Variants in UBE2E2 observed in about 807,000 individuals in gnomAD.
UBE2E2 encodes ubiquitin-conjugating enzyme E2 E2.
A neutral mutation model predicts 24.7 loss-of-function variants in UBE2E2; 6 were observed. That is an observed-to-expected ratio of 0.24 (90% CI 0.13 to 0.48). UBE2E2 has a LOEUF of 0.48. Ranked by LOEUF, UBE2E2 falls within the 20% of genes least tolerant of loss-of-function variation. UBE2E2 has a pLI of 0.99. For synonymous variants in UBE2E2, 104 were observed against 83.6 expected (o/e 1.24, Z -1.33); for missense variants, 169 against 245.0 (o/e 0.69, Z 2.07).
chr3:23,576,784 G>T (rs1180298145), intron 5 of UBE2E2, among the ~76,000 whole-genome samples: 3 of 152,274 alleles, frequency 2.0e-5, no homozygotes, highest in Non-Finnish European at 4.4e-5. Context: ...CAGAGTAGGG[G>T]CTCAATAAAT....
intron 3 of UBE2E2, among the ~76,000 whole-genome samples, chr3:23,497,261 C>T (rs1472946569): frequency 6.6e-6 from 1 of 152,078 alleles, no homozygotes; most frequent in African/African-American, 2.4e-5. Flanking sequence ...TCGTATGGAT[C>T]CCATGGTGTT....
intron 3 of UBE2E2, among the ~76,000 whole-genome samples, chr3:23,414,278 A>G (rs1371574966): frequency 1.3e-5 from 2 of 152,184 alleles, no homozygotes; most frequent in Non-Finnish European, 2.9e-5. Flanking sequence ...GAGACATTCA[A>G]TCTACCTTAC....
At chr3:23,401,025 T>C (rs1341480944) in intron 3 of UBE2E2, among the ~76,000 whole-genome samples, 1 of 152,236 alleles carries the variant, frequency 6.6e-6, no homozygotes, top group Non-Finnish European at 1.5e-5. Context: ...AAAGAATGAC[T>C]GGTATGTTCC....
Position 23,583,374 on chromosome 3 carries a change from C to G in UBE2E2, c.509-6360C>G, listed in dbSNP as rs1489239115. ...AAGTCAGGTCATGTGATGCTTCCAC[C>G]TTTGTTCTTTTTGCTTAGCATTGCT... On this transcript the variant is annotated intron_variant, in intron 5 of 5. Transcript: ENST00000396703. The surrounding 1 kb of genome is among the most constrained non-coding windows in gnomAD (Gnocchi z 4.1). Among the ~76,000 whole-genome samples the G allele has an allele frequency of 6.6e-6, 1 of 152,120 alleles. No individual in the cohort carries two copies. The highest frequency in any genetic ancestry group is 1.5e-5 in the Non-Finnish European group (1 of 68,024).
intron 3 of UBE2E2, among the ~76,000 whole-genome samples, chr3:23,494,722 T>A (rs540134020): frequency 6.6e-6 from 1 of 152,216 alleles, no homozygotes; most frequent in East Asian, 1.9e-4. Flanking sequence ...AGTATTAGTT[T>A]TATATGCTTT....
chr3:23,296,174 C>T (rs750920905), intron 3 of UBE2E2, among the ~76,000 whole-genome samples: 4 of 152,032 alleles, frequency 2.6e-5, no homozygotes, highest in African/African-American at 4.8e-5. Flanking sequence ...CAGTTCAGCT[C>T]GGGGAGCTTT....
intron 3 of UBE2E2, among the ~76,000 whole-genome samples, chr3:23,430,131 T>C (rs1559381416): frequency 6.6e-6 from 1 of 152,190 alleles, no homozygotes; most frequent in Non-Finnish European, 1.5e-5. Flanking sequence ...CCCTTGAATG[T>C]TGGACTGAAG....
intron 3 of UBE2E2, among the ~76,000 whole-genome samples, chr3:23,351,499 G>T (rs934356807): frequency 6.6e-6 from 1 of 152,136 alleles, no homozygotes; most frequent in African/African-American, 2.4e-5. Flanking sequence ...CATCTCATGG[G>T]CACAGACACA....
intron 3 of UBE2E2, among the ~76,000 whole-genome samples, chr3:23,299,793 A>G (rs1199960208): frequency 2.6e-5 from 4 of 152,274 alleles, no homozygotes; most frequent in Middle Eastern, 6.8e-3. Context: ...GTAGATGTCT[A>G]TTAGGTCCAC....
chr3:23,527,313 T>G (rs1575686517), intron 4 of UBE2E2, among the ~76,000 whole-genome samples: 1 of 152,302 alleles, frequency 6.6e-6, no homozygotes, highest in East Asian at 1.9e-4. Flanking sequence ...TCTTGGGCAT[T>G]TATCTGAGAG....
intron 3 of UBE2E2, among the ~76,000 whole-genome samples, chr3:23,272,625 A>C (rs1394466510): frequency 6.6e-6 from 1 of 152,216 alleles, no homozygotes; most frequent in Non-Finnish European, 1.5e-5. Flanking sequence ...ATGATGTGTT[A>C]GTCATAGTTC....
rs189516381 is a variant in UBE2E2 at position 23,380,350 on chromosome 3, G to T, written c.228-119258G>T. On this transcript the variant is annotated intron_variant, in intron 3 of 5. Coordinates refer to ENST00000396703, the MANE Select transcript of UBE2E2 (RefSeq NM_152653.4). ...TTTTTCTGAGCAGCTAGGACTACAG[G>T]CACATGCCGTGACTACAGGCGTGTG... Among the ~76,000 whole-genome samples, 169 of 152,304 alleles carry T rather than the reference G, an allele frequency of 1.1e-3. 2 individuals are homozygous for T. The highest frequency in any genetic ancestry group is 3.9e-3 in the African/African-American group (163 of 41,578).
intron 3 of UBE2E2, among the ~76,000 whole-genome samples, chr3:23,333,066 T>C (rs1035156847): frequency 9.8e-5 from 15 of 152,292 alleles, no homozygotes; most frequent in African/African-American, 3.4e-4. Flanking sequence ...CAGGTCCCAC[T>C]GATATCTCTA....
chr3:23,271,092 A>G (rs1461222994), intron 3 of UBE2E2: 2 of 450,742 alleles, frequency 4.4e-6, no homozygotes, highest in Non-Finnish European at 8.9e-6. Flanking sequence ...TGATAGCAGT[A>G]ATGAAGAGAA....
chr3:23,587,823 C>A (rs1349571273), intron 5 of UBE2E2, among the ~76,000 whole-genome samples: 1 of 152,158 alleles, frequency 6.6e-6, no homozygotes, highest in Non-Finnish European at 1.5e-5. Flanking sequence ...ATTTCAACAT[C>A]TGAGAAAATG....
intron 3 of UBE2E2, among the ~76,000 whole-genome samples, chr3:23,332,897 T>G (rs1301226599): frequency 1.3e-5 from 2 of 152,178 alleles, no homozygotes; most frequent in African/African-American, 4.8e-5. Flanking sequence ...CCCTTGACAC[T>G]TCTAAAAAGT....
intron 3 of UBE2E2, among the ~76,000 whole-genome samples, chr3:23,495,504 A>G (rs1699581246): frequency 6.6e-6 from 1 of 152,204 alleles, no homozygotes; most frequent in South Asian, 2.1e-4. Context: ...GTGTTTGTGT[A>G]TGTTATTTCA....
At chr3:23,291,920 A>C (rs564874659) in intron 3 of UBE2E2, among the ~76,000 whole-genome samples, 1 of 130,470 alleles carries the variant, frequency 7.7e-6, no homozygotes, top group African/African-American at 2.9e-5. Context: ...GTGCAGTGGC[A>C]CGATCTCGGC....
chr3:23,439,295 G>T (rs192811559), intron 3 of UBE2E2, among the ~76,000 whole-genome samples: 1 of 152,262 alleles, frequency 6.6e-6, no homozygotes, highest in East Asian at 1.9e-4. Context: ...CTTCCTGACT[G>T]GCCATCACAT....
Sources: allele counts gnomAD v4.1 joint callset (sites outside exome capture counted in the v4.1 genomes callset), GRCh38; gene constraint gnomAD v4.1.1; non-coding constraint Gnocchi (gnomAD v3.1); transcripts MANE v1.5; gene names NCBI Gene and HGNC (gene_info 2026-07-23, HGNC 2026-07-21).